LRRC56: variants seen among roughly 807,000 people sequenced by gnomAD.
The protein encoded by LRRC56 is leucine rich repeat containing 56.
Under a neutral mutation model 47.8 loss-of-function variants are expected in LRRC56, and 41 were observed. The observed-to-expected ratio is 0.86, with a 90% CI of 0.67 to 1.11. The LOEUF is 1.11. Ranked by LOEUF, LRRC56 falls within the 50% of genes most tolerant of loss-of-function variation. The pLI, the probability that LRRC56 is intolerant of heterozygous loss-of-function variation, is 0.00. For synonymous variants in LRRC56, 387 were observed against 311.2 expected, an observed-to-expected ratio of 1.24 and a Z score of -2.56; for missense variants, 759 against 704.2, an observed-to-expected ratio of 1.08 and a Z score of -0.88.
chr11:535,014 C>G (rs1187076793), upstream of LRRC56, among the ~76,000 whole-genome samples: 2 of 152,190 alleles, frequency 1.3e-5, no homozygotes, highest in Non-Finnish European at 2.9e-5. Flanking sequence ...GGAAAAGGCA[C>G]TGGGGCTGAG....
intron 4 of LRRC56, 93 bp downstream of exon 4, chr11:540,954 TC>T: frequency 9.3e-7 from 1 of 1,075,800 alleles, no homozygotes; most frequent in Admixed American, 2.9e-5. Flanking sequence ...CTGCCCTCTG[TC>T]CCCCTCCTGC....
At chr11:547,453 C>T (rs947408417) in intron 6 of LRRC56, among the ~76,000 whole-genome samples, 5 of 151,756 alleles carry the variant, frequency 3.3e-5, no homozygotes, top group African/African-American at 7.3e-5. Context: ...CCCGGGTTCA[C>T]GCCATTCCCC....
chr11:516,784 A>G, the LRRC56 span, among the ~76,000 whole-genome samples: 1 of 152,356 alleles, frequency 6.6e-6, no homozygotes, highest in South Asian at 2.1e-4. Context: ...TCATCATTTC[A>G]GTAGACTTAG....
chr11:547,105 G>A (rs921396203), intron 6 of LRRC56, among the ~76,000 whole-genome samples: 3 of 151,762 alleles, frequency 2.0e-5, no homozygotes, highest in African/African-American at 7.3e-5. Context: ...GGCGGTGCAT[G>A]CCTGTAATGC....
upstream of LRRC56, chr11:533,771 C>T (rs925794740): frequency 1.2e-6 from 2 of 1,613,334 alleles, no homozygotes; most frequent in Non-Finnish European, 1.7e-6. Flanking sequence ...TTCACCTGTA[C>T]TGGTGGATGT....
the LRRC56 span, among the ~76,000 whole-genome samples, chr11:522,435 T>C: frequency 7.2e-5 from 11 of 152,188 alleles, no homozygotes; most frequent in African/African-American, 1.9e-4. Context: ...CTGGCTAATT[T>C]TTTGTATTTT....
chr11:514,611 T>G, the LRRC56 span, among the ~76,000 whole-genome samples: 1 of 151,958 alleles, frequency 6.6e-6, no homozygotes, highest in African/African-American at 2.4e-5. Context: ...GTTTTTTTGG[T>G]CTTGAGGGAG....
upstream of LRRC56, among the ~76,000 whole-genome samples, chr11:536,679 G>A (rs543515953): frequency 4.8e-4 from 73 of 152,374 alleles, no homozygotes; most frequent in South Asian, 5.6e-3. Flanking sequence ...GCTGAGGCAG[G>A]AGAATCGCTG....
At chr11:511,943 G>A in the LRRC56 span, among the ~76,000 whole-genome samples, 2 of 151,972 alleles carry the variant, frequency 1.3e-5, no homozygotes, top group Admixed American at 6.6e-5. Flanking sequence ...GAGGTTAGGA[G>A]GCGAATTTTT....
chr11:517,401 G>C, the LRRC56 span, among the ~76,000 whole-genome samples: 1 of 150,556 alleles, frequency 6.6e-6, no homozygotes. Flanking sequence ...GGTGGGGGGC[G>C]CCTCTGCCTG....
In LRRC56 at chr11:551,206, GCCGCACACA is replaced by G. The variant is rs1267220972; in HGVS notation, c.702_710del (p.Ala235_Thr237del). 15 of 1,547,224 alleles carry G rather than the reference GCCGCACACA, an allele frequency of 9.7e-6. No individual in the cohort carries two copies. Among genetic ancestry groups the G allele is most frequent in the Non-Finnish European group, 1.3e-5 (15 of 1,145,018 alleles). ...GCTGCAGGTCCTGGACGAAGTGCCG[GCCGCACACA>G]CAGGCCCACCGGCCCCCCCGCGGCT... On this transcript the variant is annotated inframe_deletion, in exon 9 of 14. Coordinates refer to ENST00000270115, the MANE Select transcript of LRRC56 (RefSeq NM_198075.4).
chr11:531,138 C>G, the LRRC56 span, among the ~76,000 whole-genome samples: 1,735 of 60,222 alleles, frequency 0.029, no homozygotes, highest in Middle Eastern at 0.066. Flanking sequence ...GTCCCCTGGA[C>G]AGAAGGGGGA....
upstream of LRRC56, chr11:532,576 C>G: frequency 6.4e-7 from 1 of 1,573,894 alleles, no homozygotes; most frequent in Non-Finnish European, 8.6e-7. Context: ...CCGGCAGGGG[C>G]GGGGAGCCGG....
chr11:521,198 A>AAC, the LRRC56 span, among the ~76,000 whole-genome samples: 8 of 152,258 alleles, frequency 5.3e-5, no homozygotes, highest in Non-Finnish European at 1.0e-4. Flanking sequence ...CACTGGTTCG[A>AAC]CTGCCTCAGG....
At chr11:552,493 G>A in intron 12 of LRRC56, 76 bp from the exon 13 acceptor site, 1 of 1,375,638 alleles carries the variant, frequency 7.3e-7, no homozygotes, top group South Asian at 1.3e-5. Context: ...CAGTCCCAAG[G>A]CTCATGGACC....
chr11:530,466 G>C, the LRRC56 span, among the ~76,000 whole-genome samples: 393 of 132,344 alleles, frequency 3.0e-3, no homozygotes, highest in Non-Finnish European at 4.4e-3. Flanking sequence ...GTCCCCTGGA[G>C]AGAAGGGCGA....
the LRRC56 span, among the ~76,000 whole-genome samples, chr11:511,859 C>G: frequency 6.6e-6 from 1 of 152,166 alleles, no homozygotes. Context: ...CCACCCCCCA[C>G]ACACACAGAC....
the LRRC56 span, among the ~76,000 whole-genome samples, chr11:524,811 G>T: frequency 1.3e-5 from 2 of 152,090 alleles, no homozygotes; most frequent in Non-Finnish European, 2.9e-5. Flanking sequence ...TATAAAAACT[G>T]GTGGGGCATA....
rs1851578515 is a variant in LRRC56 at position 537,615 on chromosome 11, G to C, written c.-422+10G>C. 6.6e-6 allele frequency: 1 copy of C among 152,258 alleles called. No homozygotes were observed. The highest frequency in any genetic ancestry group is 2.1e-4 in the South Asian group (1 of 4,832). The allele number at this position is 152,258 out of a possible 1,614,324, so 9.4% of individuals were successfully genotyped here. ...TAGGCTGAGCCCTCAGGTGAGAGCC[G>C]AGCGCACCCTTGGGGTGGGAGCCGC... is the stretch of plus-strand genomic sequence containing the variant. On this transcript the variant is annotated intron_variant, in intron 1 of 13. Coordinates refer to ENST00000270115, the MANE Select transcript of LRRC56 (RefSeq NM_198075.4).
Sources: gnomAD v4.1 joint callset for allele counts (sites outside exome capture counted in the v4.1 genomes callset) on GRCh38, gnomAD v4.1.1 for gene constraint, MANE v1.5 for transcripts, NCBI Gene and HGNC (gene_info 2026-07-23, HGNC 2026-07-21) for gene names.